The following ARL11 variants were observed in gnomAD, a reference collection of about 807,000 sequenced individuals.
The protein encoded by ARL11 is ARF like GTPase 11.
For missense variants in ARL11, 239 were observed against 250.6 expected (o/e 0.95, Z 0.31); for synonymous variants, 91 against 111.2 (o/e 0.82, Z 1.15).
At position 49,632,764 on chromosome 13, in the gene ARL11, C is replaced by A. The variant is rs531858266; in HGVS notation, c.*1726C>A. 1 of 167,210 alleles carries A rather than the reference C, an allele frequency of 6.0e-6. No homozygotes were observed. The highest frequency in any genetic ancestry group is 1.5e-5 in the Non-Finnish European group (1 of 68,120). 10.4% of individuals were successfully genotyped at this position (167,210 alleles called of 1,614,324 possible). The stretch of plus-strand genomic sequence containing the variant: ...GTACCCTCCTAAAATCTGAGATCTG[C>A]CAGGCCCCTCTTCTAACACCAGGTT... On this transcript the variant is annotated 3_prime_UTR_variant, in exon 2 of 2. Transcript: ENST00000282026.
chr13:49,628,854 G>A (rs1278212782), intron 1 of ARL11, among the ~76,000 whole-genome samples: 2 of 152,258 alleles, frequency 1.3e-5, no homozygotes, highest in Non-Finnish European at 2.9e-5. Flanking sequence ...CACTTTGGGA[G>A]GCCGGGCAGG....
intron 1 of ARL11, among the ~76,000 whole-genome samples, chr13:49,629,218 A>G (rs978123047): frequency 6.6e-6 from 1 of 152,120 alleles, no homozygotes; most frequent in Non-Finnish European, 1.5e-5. Context: ...AGCTGTGATC[A>G]TGCCACTGCA....
At position 49,632,246 on chromosome 13, in the gene ARL11, A is replaced by C. The variant is rs1431969142; in HGVS notation, c.*1208A>C. 3.0e-5 allele frequency: 5 copies of C among 167,084 alleles called. No individual in the cohort carries two copies. Among genetic ancestry groups the C allele is most frequent in the East Asian group, 3.8e-4 (2 of 5,206 alleles). 10.4% of individuals were successfully genotyped at this position (167,084 alleles called of 1,614,324 possible). On this transcript the variant is annotated 3_prime_UTR_variant, in exon 2 of 2. Transcript: ENST00000282026. ...TTTATTCATTAATTTAACAAAAAAA[A>C]CAGAGCATTTAGTTTGTGGCAAAAA...
In ARL11 at chr13:49,631,478, C is replaced by G. The variant is rs1364820061; in HGVS notation, c.*440C>G. On this transcript the variant is annotated 3_prime_UTR_variant, in exon 2 of 2. Transcript: ENST00000282026. ...CATACTTCATTTAATAGCTCGTTAC[C>G]AAGTGTGAATGAAGCAATATGTCAT... 2 of 168,290 alleles carry G rather than the reference C, an allele frequency of 1.2e-5. No individual in the cohort carries two copies. Among genetic ancestry groups the G allele is most frequent in the Non-Finnish European group, 2.9e-5 (2 of 69,024 alleles). 10.4% of individuals were successfully genotyped at this position (168,290 alleles called of 1,614,324 possible).
rs961850001 is a variant in ARL11 at position 49,632,867 on chromosome 13, T to G, written c.*1829T>G. On this transcript the variant is annotated 3_prime_UTR_variant, in exon 2 of 2. Coordinates refer to ENST00000282026, the MANE Select transcript of ARL11 (RefSeq NM_138450.6). ...GTGTTAGACACTAGGGATGCAAAGA[T>G]GAATGAGATAAGGCCTCAGGCCTCA... is the stretch of plus-strand genomic sequence containing the variant. The G allele has an allele frequency of 6.0e-6, 1 of 167,022 alleles. No individual in the cohort carries two copies. The highest frequency in any genetic ancestry group is 2.4e-5 in the African/African-American group (1 of 41,424). The allele number at this position is 167,022 out of a possible 1,614,324, so 10.3% of individuals were successfully genotyped here. A position where few individuals can be genotyped will look rare whatever the true frequency, so the allele number is the denominator to read the frequency against.
intron 1 of ARL11, among the ~76,000 whole-genome samples, chr13:49,629,412 A>C (rs1299531934): frequency 6.6e-6 from 1 of 152,236 alleles, no homozygotes; most frequent in African/African-American, 2.4e-5. Flanking sequence ...AACAGTATTT[A>C]TAAATAGCCC....
At position 49,630,657 on chromosome 13, in the gene ARL11, CAG is replaced by C. The variant is rs759584416; in HGVS notation, c.213_214del (p.Arg71SerfsTer22). 4.3e-6 allele frequency: 7 copies of C among 1,614,056 alleles called. No homozygotes were observed. In the African/African-American group the frequency reaches 9.3e-5, roughly 22 times the overall value. ...LWDVGGQAPL[R>X]ASWKDYLEGT... ...GGGACGTTGGGGGGCAGGCCCCGCT[CAG>C]AGCCAGCTGGAAGGACTATCTGGAA... is the stretch of plus-strand genomic sequence containing the variant. On this transcript the variant is annotated frameshift_variant, in exon 2 of 2. Coordinates refer to ENST00000282026, the MANE Select transcript of ARL11 (RefSeq NM_138450.6). LOFTEE classifies it low-confidence loss of function (END_TRUNC).
chr13:49,629,260 CTCAAA>C (rs1964855791), intron 1 of ARL11, among the ~76,000 whole-genome samples: 1 of 151,892 alleles, frequency 6.6e-6, no homozygotes, highest in Admixed American at 6.5e-5. Flanking sequence ...GAGACCCTGT[CTCAAA>C]ACAAAACAAA....
At position 49,631,113 on chromosome 13, in the gene ARL11, C is replaced by A; in HGVS notation, c.*75C>A. 2 of 1,376,684 alleles carry A rather than the reference C, an allele frequency of 1.5e-6. No homozygotes were observed. Among genetic ancestry groups the A allele is most frequent in the Non-Finnish European group, 2.0e-6 (2 of 1,018,468 alleles). 85.3% of individuals were successfully genotyped at this position (1,376,684 alleles called of 1,614,324 possible). On this transcript the variant is annotated 3_prime_UTR_variant, in exon 2 of 2. Transcript: ENST00000282026. ...GATCCTTGAGAAATTTACGCTTAGT[C>A]TATCAAACAAGAAATGCTGGCTTGG...
At chr13:49,628,894 C>T (rs916026295) in intron 1 of ARL11, among the ~76,000 whole-genome samples, 1 of 152,214 alleles carries the variant, frequency 6.6e-6, no homozygotes, top group African/African-American at 2.4e-5. Flanking sequence ...AGTTCAATAC[C>T]AGCCAGGCCA....
chr13:49,632,341 T>A lies in ARL11; in HGVS notation c.*1303T>A, dbSNP rs1206117141. The A allele has an allele frequency of 3.0e-5, 5 of 167,102 alleles. No homozygotes were observed. The highest frequency in any genetic ancestry group is 5.9e-5 in the Non-Finnish European group (4 of 68,136). 10.4% of individuals were successfully genotyped at this position (167,102 alleles called of 1,614,324 possible). A position where few individuals can be genotyped will look rare whatever the true frequency, so the allele number is the denominator to read the frequency against. Reference sequence around the variant, plus strand: ...TGAATTCTGAAGATACAGATGACAGTGACGAATGCCTTCTGTCTCATGATT... The same window carrying A: ...TGAATTCTGAAGATACAGATGACAGAGACGAATGCCTTCTGTCTCATGATT... On this transcript the variant is annotated 3_prime_UTR_variant, in exon 2 of 2. Transcript: ENST00000282026.
In ARL11 at chr13:49,630,734, T is replaced by C. The variant is rs1176478777; in HGVS notation, c.287T>C (p.Leu96Ser). The C allele has an allele frequency of 6.2e-7, 1 of 1,614,118 alleles. No homozygotes were observed. Residue 96 changes from leucine (L) to serine (S), a missense_variant, in exon 2 of 2, where the codon TTA becomes TCA. Coordinates refer to ENST00000282026, the MANE Select transcript of ARL11 (RefSeq NM_138450.6). Reference sequence around the variant, plus strand: ...CTGGACAGCACAGATGAAGCCCGCTTACCCGAGTCGGCGGCTGAGCTCACA... The same window carrying C: ...CTGGACAGCACAGATGAAGCCCGCTCACCCGAGTCGGCGGCTGAGCTCACA... Reference protein sequence around the residue: ...YVLDSTDEARLPESAAELTEV... With the variant: ...YVLDSTDEARSPESAAELTEV...
chr13:49,630,307 A>G, intron 1 of ARL11, 123 bp from the exon 2 acceptor site: 8 of 696,870 alleles, frequency 1.1e-5, no homozygotes, highest in Non-Finnish European at 2.0e-5. Context: ...CCTGGGCTCA[A>G]GTGATCCTCC....
rs1016250443 is a variant in ARL11 at position 49,633,210 on chromosome 13, A to G, written c.*2172A>G. On this transcript the variant is annotated 3_prime_UTR_variant, in exon 2 of 2. Coordinates refer to ENST00000282026, the MANE Select transcript of ARL11 (RefSeq NM_138450.6). ...TTTTTCTACAACATCATGCCTCTAG[A>G]AGGTTTAAGCTAGGTAGGCTTTCAG... 2 of 166,994 alleles carry G rather than the reference A, an allele frequency of 1.2e-5. No homozygotes were observed. Among genetic ancestry groups the G allele is most frequent in the African/African-American group, 4.8e-5 (2 of 41,456 alleles). The allele number at this position is 166,994 out of a possible 1,614,324, so 10.3% of individuals were successfully genotyped here.
chr13:49,631,877 C>T lies in ARL11; in HGVS notation c.*839C>T, dbSNP rs1964891657. The T allele has an allele frequency of 6.0e-6, 1 of 166,954 alleles. No individual in the cohort carries two copies. Among genetic ancestry groups the T allele is most frequent in the Non-Finnish European group, 1.5e-5 (1 of 68,100 alleles). The allele number at this position is 166,954 out of a possible 1,614,324, so 10.3% of individuals were successfully genotyped here. A position where few individuals can be genotyped will look rare whatever the true frequency, so the allele number is the denominator to read the frequency against. On this transcript the variant is annotated 3_prime_UTR_variant, in exon 2 of 2. Coordinates refer to ENST00000282026, the MANE Select transcript of ARL11 (RefSeq NM_138450.6). ...AAGTCAAATTCAAATATCATCTGGA[C>T]ATGTCACAATGGATCGCGGATCCTT...
chr13:49,633,709 T>C lies in ARL11; in HGVS notation c.*2671T>C, dbSNP rs913433821. The stretch of plus-strand genomic sequence containing the variant: ...ACATGACAGAAGGACTGGAATGCCA[T>C]GAACTGGAGAAGGTGAGCGCTGAAG... On this transcript the variant is annotated 3_prime_UTR_variant, in exon 2 of 2. Coordinates refer to ENST00000282026, the MANE Select transcript of ARL11 (RefSeq NM_138450.6). 1 of 167,078 alleles carries C rather than the reference T, an allele frequency of 6.0e-6. No homozygotes were observed. The highest frequency in any genetic ancestry group is 2.4e-5 in the African/African-American group (1 of 41,442). The allele number at this position is 167,078 out of a possible 1,614,324, so 10.3% of individuals were successfully genotyped here.
In ARL11 at chr13:49,631,404, C is replaced by CAATAAT. The variant is rs201924318; in HGVS notation, c.*382_*387dup. ...TGGGCAACAGAGTGAGACCCTGTCT[C>CAATAAT]AATAATAATAATAATAATAATGATG... On this transcript the variant is annotated 3_prime_UTR_variant, in exon 2 of 2. Coordinates refer to ENST00000282026, the MANE Select transcript of ARL11 (RefSeq NM_138450.6). 3.5e-5 allele frequency: 6 copies of CAATAAT among 171,726 alleles called. No individual in the cohort carries two copies. Among genetic ancestry groups the CAATAAT allele is most frequent in the East Asian group, 1.9e-4 (1 of 5,342 alleles). 10.6% of individuals were successfully genotyped at this position (171,726 alleles called of 1,614,324 possible). A position where few individuals can be genotyped will look rare whatever the true frequency, so the allele number is the denominator to read the frequency against.
chr13:49,630,511 T>A lies in ARL11; in HGVS notation c.64T>A (p.Ser22Thr). ...EAQVVMMGLD[S>T]AGKTTLLYKL... ...CCAGGTGGTGATGATGGGCCTGGACTCGGCGGGCAAGACCACGCTCCTTTA... is the reference window on the plus strand; with the variant it reads ...CCAGGTGGTGATGATGGGCCTGGACACGGCGGGCAAGACCACGCTCCTTTA... The change falls in exon 2 of 2, where the codon TCG becomes ACG. Residue 22 changes from serine to threonine, a missense_variant. By Grantham distance (58) the Ser-to-Thr change is moderately conservative (BLOSUM62 1). Transcript: ENST00000282026. 1 of 1,613,942 alleles carries A rather than the reference T, an allele frequency of 6.2e-7. No homozygotes were observed.
chr13:49,632,176 G>T lies in ARL11; in HGVS notation c.*1138G>T, dbSNP rs1332784714. 7.4e-4 allele frequency: 122 copies of T among 165,722 alleles called. 2 individuals carry two copies. The highest frequency in any genetic ancestry group is 1.5e-5 in the Non-Finnish European group (1 of 67,908). The allele number at this position is 165,722 out of a possible 1,614,324, so 10.3% of individuals were successfully genotyped here. A position where few individuals can be genotyped will look rare whatever the true frequency, so the allele number is the denominator to read the frequency against. ...TTTTTCCTTCTCTTTTCTCCTTCTTGTAGCACATATCTTTCGTTAAAGATC... is the reference window on the plus strand; with the variant it reads ...TTTTTCCTTCTCTTTTCTCCTTCTTTTAGCACATATCTTTCGTTAAAGATC... On this transcript the variant is annotated 3_prime_UTR_variant, in exon 2 of 2. Coordinates refer to ENST00000282026, the MANE Select transcript of ARL11 (RefSeq NM_138450.6).
Sources: gnomAD v4.1 joint callset for allele counts (sites outside exome capture counted in the v4.1 genomes callset) on GRCh38, gnomAD v4.1.1 for gene constraint, MANE v1.5 for transcripts, NCBI Gene and HGNC (gene_info 2026-07-23, HGNC 2026-07-21) for gene names.